NUP210L: variants seen among roughly 807,000 people sequenced by gnomAD.
NUP210L encodes the protein nucleoporin 210 like, also known as nuclear pore membrane glycoprotein 210-like.
A neutral mutation model predicts 208.5 loss-of-function variants in NUP210L; 74 were observed. The ratio of observed to expected loss-of-function variants is 0.35; its 90% confidence interval spans 0.29 to 0.43. NUP210L has a LOEUF of 0.43. Among genes scored for constraint, NUP210L ranks in the 20% least tolerant of loss-of-function variants. NUP210L has a pLI of 1.00. For missense variants in NUP210L, 1,843 were observed against 2,289.4 expected (o/e 0.81, Z 3.98); for synonymous variants, 780 against 816.9 (o/e 0.95, Z 0.77).
At chr1:154,128,623 A>T (rs1233899724) in intron 8 of NUP210L, among the ~76,000 whole-genome samples, 1 of 149,914 alleles carries the variant, frequency 6.7e-6, no homozygotes, top group African/African-American at 2.5e-5. Flanking sequence ...GGCCGAGGAG[A>T]GCAAATCGCT....
At chr1:154,120,567 G>A (rs1012555655) in intron 10 of NUP210L, among the ~76,000 whole-genome samples, 2 of 149,964 alleles carry the variant, frequency 1.3e-5, no homozygotes, top group African/African-American at 4.9e-5. Context: ...CATGGCACAT[G>A]TATACATATG....
At chr1:154,052,694 T>A (rs1162964220) in intron 25 of NUP210L, among the ~76,000 whole-genome samples, 1 of 152,190 alleles carries the variant, frequency 6.6e-6, no homozygotes, top group Admixed American at 6.6e-5. Context: ...CCATAATAAA[T>A]CTGCTCCTCT....
At chr1:154,099,741 A>C (rs939464965) in intron 14 of NUP210L, among the ~76,000 whole-genome samples, 2 of 152,246 alleles carry the variant, frequency 1.3e-5, no homozygotes, top group African/African-American at 2.4e-5. Context: ...CCTCAGTAAA[A>C]AAGAAGAAAG....
chr1:154,100,213 G>A (rs1656389129), intron 13 of NUP210L, 70 bp from the exon 14 acceptor site: 1 of 1,432,480 alleles, frequency 7.0e-7, no homozygotes, highest in East Asian at 2.3e-5. Context: ...ACTTTGGGAG[G>A]CCAAGGCAGG....
chr1:154,143,229 C>A (rs929660884), intron 3 of NUP210L, among the ~76,000 whole-genome samples: 1 of 150,954 alleles, frequency 6.6e-6, no homozygotes, highest in African/African-American at 2.4e-5. Context: ...AGGAAAAGTT[C>A]TGAGATAACT....
intron 16 of NUP210L, among the ~76,000 whole-genome samples, chr1:154,072,087 C>T (rs1177124902): frequency 2.0e-5 from 3 of 151,858 alleles, no homozygotes; most frequent in African/African-American, 4.8e-5. Context: ...CTGCTATAAA[C>T]ATGTGTGCAA....
At chr1:154,126,505 T>C (rs1657988270) in intron 9 of NUP210L, 42 bp from the exon 10 acceptor site, 1 of 1,550,408 alleles carries the variant, frequency 6.4e-7, no homozygotes, top group Non-Finnish European at 8.7e-7. Flanking sequence ...GAAGATATGT[T>C]CTTTCCCTGA....
At chr1:154,105,150 G>A (rs544953656) in intron 12 of NUP210L, among the ~76,000 whole-genome samples, 1 of 152,338 alleles carries the variant, frequency 6.6e-6, no homozygotes, top group South Asian at 2.1e-4. Flanking sequence ...TGTCTTGAAA[G>A]GAAGGACACT....
chr1:154,071,284 A>C (rs1654713552), intron 16 of NUP210L, among the ~76,000 whole-genome samples: 1 of 151,472 alleles, frequency 6.6e-6, no homozygotes, highest in Non-Finnish European at 1.5e-5. Context: ...ATTTTTATTA[A>C]TTTTAATTTT....
intron 33 of NUP210L, among the ~76,000 whole-genome samples, chr1:154,016,940 T>C (rs1651278214): frequency 6.6e-6 from 1 of 151,870 alleles, no homozygotes. Flanking sequence ...CATTTCAGCC[T>C]GGGCAACAGG....
intron 13 of NUP210L, among the ~76,000 whole-genome samples, chr1:154,102,228 A>G (rs896726929): frequency 6.6e-6 from 1 of 152,216 alleles, no homozygotes. Context: ...CATATGAAGC[A>G]AAAGTATGAA....
intron 27 of NUP210L, among the ~76,000 whole-genome samples, chr1:154,042,797 T>G (rs1201293709): frequency 8.6e-5 from 13 of 151,278 alleles, no homozygotes; most frequent in Admixed American, 8.6e-4. Context: ...CTCGGCTCAC[T>G]GCCTCTTGGG....
exon 34 of NUP210L, chr1:154,012,325 TGAG>T (rs761796100): frequency 1.9e-6 from 3 of 1,613,874 alleles, no homozygotes; most frequent in African/African-American, 2.7e-5. Context: ...AGATAAGTCT[TGAG>T]GTCATAACTG....
chr1:154,049,296 T>C (rs982945008), intron 25 of NUP210L, among the ~76,000 whole-genome samples: 2 of 152,164 alleles, frequency 1.3e-5, no homozygotes, highest in Non-Finnish European at 2.9e-5. Context: ...ATTACAACAA[T>C]GGGGAGCACA....
chr1:154,000,715 A>G lies in NUP210L; in HGVS notation c.5386+141T>C, dbSNP rs190168896. Reference sequence around the variant, plus strand: ...GTGCACAATTTAAACTGTTTATTTCAGGAGTTTTTCATTTATTTTTGGACC... The same window carrying G: ...GTGCACAATTTAAACTGTTTATTTCGGGAGTTTTTCATTTATTTTTGGACC... On this transcript the variant is annotated intron_variant, in intron 37 of 39. Transcript: ENST00000368559. 3.4e-5 allele frequency: 24 copies of G among 696,086 alleles called. No individual in the cohort carries two copies. The East Asian group carries it at 6.1e-4, about 18-fold the overall frequency. 43.1% of individuals were successfully genotyped at this position (696,086 alleles called of 1,614,324 possible).
exon 9 of NUP210L, chr1:154,127,329 T>C: frequency 6.3e-7 from 1 of 1,575,122 alleles, no homozygotes; most frequent in Non-Finnish European, 8.7e-7. Flanking sequence ...TATAGACCTT[T>C]GTGCTGCTTT....
intron 2 of NUP210L, among the ~76,000 whole-genome samples, chr1:154,145,837 C>T (rs1342697705): frequency 6.6e-6 from 1 of 152,018 alleles, no homozygotes; most frequent in African/African-American, 2.4e-5. Context: ...CATATATTTC[C>T]TAGTTATGTT....
At chr1:154,080,116 T>C (rs779914901) in intron 16 of NUP210L, among the ~76,000 whole-genome samples, 1 of 151,860 alleles carries the variant, frequency 6.6e-6, no homozygotes, top group Non-Finnish European at 1.5e-5. Context: ...TCCCAGCACT[T>C]TGGGAGGCCG....
chr1:154,061,378 AAATAATAATAAT>A (rs537711266), intron 18 of NUP210L, among the ~76,000 whole-genome samples, 196 bp downstream of exon 18: 5 of 150,068 alleles, frequency 3.3e-5, no homozygotes, highest in Non-Finnish European at 7.4e-5. Context: ...ACTTCATCTC[AAATAATAATAAT>A]AATAATAATA....
Sources: allele counts gnomAD v4.1 joint callset (sites outside exome capture counted in the v4.1 genomes callset), GRCh38; gene constraint gnomAD v4.1.1; transcripts MANE v1.5; gene names NCBI Gene and HGNC (gene_info 2026-07-23, HGNC 2026-07-21).